Variants in RNPC3 observed in about 807,000 individuals in gnomAD.
The protein encoded by RNPC3 is RNA binding region (RNP1, RRM) containing 3.
A neutral mutation model predicts 67.5 loss-of-function variants in RNPC3; 48 were observed. The ratio of observed to expected loss-of-function variants is 0.71; its 90% CI spans 0.56 to 0.90. The LOEUF (loss-of-function observed/expected upper bound fraction) is 0.90. RNPC3 is among the 40% of genes least tolerant of loss of function. The pLI, the probability that RNPC3 is intolerant of heterozygous loss-of-function variation, is 0.00. For missense variants in RNPC3, 637 were observed against 626.1 expected, an observed-to-expected ratio of 1.02 and a Z score of -0.19; for synonymous variants, 239 against 210.3, an observed-to-expected ratio of 1.14 and a Z score of -1.18.
intron 2 of RNPC3, among the ~76,000 whole-genome samples, chr1:103,533,162 G>A (rs1446455135): frequency 2.0e-5 from 3 of 152,054 alleles, no homozygotes; most frequent in Non-Finnish European, 2.9e-5. Context: ...AGATAGGCAT[G>A]TGGATAGTTA....
intron 2 of RNPC3, among the ~76,000 whole-genome samples, chr1:103,532,055 A>G (rs1267090551): frequency 2.0e-5 from 3 of 152,156 alleles, no homozygotes; most frequent in Non-Finnish European, 4.4e-5. Flanking sequence ...GCGACTTGCC[A>G]ATTATCCCAG....
At chr1:103,544,659 G>T (rs920385510) in intron 9 of RNPC3, among the ~76,000 whole-genome samples, 1 of 151,726 alleles carries the variant, frequency 6.6e-6, no homozygotes, top group East Asian at 1.9e-4. Context: ...TGAGAATGTA[G>T]TGCCTTTTCA....
intron 2 of RNPC3, among the ~76,000 whole-genome samples, chr1:103,529,518 A>G (rs1431953240): frequency 2.0e-5 from 3 of 152,146 alleles, no homozygotes; most frequent in Non-Finnish European, 4.4e-5. Context: ...AATGTTCAAG[A>G]ATAGAGTAAG....
chr1:103,530,868 T>TG (rs545143722), intron 2 of RNPC3, among the ~76,000 whole-genome samples: 2 of 152,158 alleles, frequency 1.3e-5, no homozygotes, highest in African/African-American at 2.4e-5. Context: ...CAGTAGGTTT[T>TG]GGGGGAACAG....
At position 103,547,797 on chromosome 1, in the gene RNPC3, C is replaced by T. The variant is rs570646051; in HGVS notation, c.1361+762C>T. Among the ~76,000 whole-genome samples, 48 of 152,258 alleles carry T rather than the reference C, an allele frequency of 3.2e-4. 1 individual carries two copies. Among genetic ancestry groups the T allele is most frequent in the Non-Finnish European group, 5.7e-4 (39 of 68,012 alleles). On this transcript the variant is annotated intron_variant, in intron 12 of 14. Transcript: ENST00000423855. ...TTTTCACACTGCTGATAGACATACCCGAGAATGGGCAATTTACAAAGGAAA... is the reference window on the plus strand; with the variant it reads ...TTTTCACACTGCTGATAGACATACCTGAGAATGGGCAATTTACAAAGGAAA...
At chr1:103,547,258 A>G (rs1159377097) in intron 12 of RNPC3, among the ~76,000 whole-genome samples, 1 of 152,204 alleles carries the variant, frequency 6.6e-6, no homozygotes, top group East Asian at 1.9e-4. Context: ...ATTTTATTGC[A>G]GACCATACAG....
chr1:103,529,321 A>G (rs1181640062), intron 2 of RNPC3, among the ~76,000 whole-genome samples: 1 of 152,192 alleles, frequency 6.6e-6, no homozygotes, highest in Non-Finnish European at 1.5e-5. Context: ...AAAGTATGGT[A>G]ATGAAAAACG....
At chr1:103,529,754 G>T (rs983665902) in intron 2 of RNPC3, among the ~76,000 whole-genome samples, 1 of 152,210 alleles carries the variant, frequency 6.6e-6, no homozygotes, top group African/African-American at 2.4e-5. Flanking sequence ...GTATGATGAT[G>T]TAAGGCAGGG....
intron 14 of RNPC3, 36 bp downstream of exon 14, chr1:103,551,828 T>G: frequency 9.7e-7 from 1 of 1,034,142 alleles, no homozygotes; most frequent in Non-Finnish European, 1.4e-6. Flanking sequence ...AAGACAAGAC[T>G]AATTCTTGAG....
intron 3 of RNPC3, 80 bp from the exon 4 acceptor site, chr1:103,534,694 G>C: frequency 1.6e-6 from 1 of 630,286 alleles, no homozygotes; most frequent in Non-Finnish European, 2.5e-6. Flanking sequence ...TGACATGTTT[G>C]AAAAGGTAAT....
At chr1:103,537,096 GT>G (rs1651004523) in intron 6 of RNPC3, among the ~76,000 whole-genome samples, 1 of 152,064 alleles carries the variant, frequency 6.6e-6, no homozygotes, top group African/African-American at 2.4e-5. Flanking sequence ...CTATAACTCA[GT>G]TACAAGGAGA....
chr1:103,530,373 G>A (rs947884386), intron 2 of RNPC3, among the ~76,000 whole-genome samples: 2 of 152,150 alleles, frequency 1.3e-5, no homozygotes, highest in Non-Finnish European at 2.9e-5. Flanking sequence ...ACAACAATTT[G>A]AAGGATGCGA....
At chr1:103,534,182 A>G (rs1304892474) in intron 3 of RNPC3, among the ~76,000 whole-genome samples, 2 of 152,010 alleles carry the variant, frequency 1.3e-5, no homozygotes, top group East Asian at 1.9e-4. Flanking sequence ...TCATGAAATC[A>G]AGACTGGCAT....
At chr1:103,538,551 T>C (rs1306183851) in intron 7 of RNPC3, among the ~76,000 whole-genome samples, 1 of 152,200 alleles carries the variant, frequency 6.6e-6, no homozygotes, top group African/African-American at 2.4e-5. Context: ...TAAACACATA[T>C]CAAACAAGGT....
At position 103,526,068 on chromosome 1, in the gene RNPC3, A is replaced by G; in HGVS notation, c.-3A>G. 3.9e-6 allele frequency: 6 copies of G among 1,523,064 alleles called. No homozygotes were observed. Among genetic ancestry groups the G allele is most frequent in the Non-Finnish European group, 5.3e-6 (6 of 1,129,678 alleles). 94.3% of individuals were successfully genotyped at this position (1,523,064 alleles called of 1,614,324 possible). ...GATTTCTGTTTTTGCTTCTCCAAGGAAAATGGCAGCTCCCGAGCAGCCGCT... is the reference window on the plus strand; with the variant it reads ...GATTTCTGTTTTTGCTTCTCCAAGGGAAATGGCAGCTCCCGAGCAGCCGCT... On this transcript the variant is annotated 5_prime_UTR_variant, in exon 1 of 15. Transcript: ENST00000423855.
chr1:103,553,710 G>A (rs1266632758), intron 14 of RNPC3: 1 of 152,006 alleles, frequency 6.6e-6, no homozygotes, highest in Non-Finnish European at 1.5e-5. Flanking sequence ...TTAAAATTTG[G>A]GCAAAGGAAA....
chr1:103,527,527 A>G (rs1344189918), intron 1 of RNPC3, among the ~76,000 whole-genome samples, 168 bp from the exon 2 acceptor site: 3 of 152,244 alleles, frequency 2.0e-5, no homozygotes, highest in African/African-American at 7.2e-5. Flanking sequence ...CTCAAAAAGT[A>G]TTGAAAACCA....
In RNPC3 at chr1:103,551,719, A is replaced by G; in HGVS notation, c.1495-2A>G. 2.0e-6 allele frequency: 3 copies of G among 1,512,732 alleles called. No individual in the cohort carries two copies. Among genetic ancestry groups the G allele is most frequent in the Non-Finnish European group, 2.7e-6 (3 of 1,123,500 alleles). 93.7% of individuals were successfully genotyped at this position (1,512,732 alleles called of 1,614,324 possible). A position where few individuals can be genotyped will look rare whatever the true frequency, so the allele number is the denominator to read the frequency against. ...AAGGAAACCTTAATTTTAAATTATT[A>G]GCAGTTTGCTCGATCTGCTAGACCA... On this transcript the variant is annotated splice_acceptor_variant, in intron 13 of 14. Transcript: ENST00000423855. LOFTEE classifies it high-confidence loss of function.
At chr1:103,529,576 A>C (rs941770814) in intron 2 of RNPC3, among the ~76,000 whole-genome samples, 1 of 152,158 alleles carries the variant, frequency 6.6e-6, no homozygotes, top group African/African-American at 2.4e-5. Flanking sequence ...AAAAACCATA[A>C]ATCTTTGAAA....
Sources: allele counts gnomAD v4.1 joint callset (sites outside exome capture counted in the v4.1 genomes callset), GRCh38; gene constraint gnomAD v4.1.1; transcripts MANE v1.5; gene names NCBI Gene and HGNC (gene_info 2026-07-23, HGNC 2026-07-21).